PTPRD: variants seen among roughly 807,000 people sequenced by gnomAD.
The protein encoded by PTPRD is protein tyrosine phosphatase receptor type D.
Under a neutral mutation model 214.5 loss-of-function variants are expected in PTPRD, and 34 were observed. The observed-to-expected ratio is 0.16, with a 90% CI of 0.12 to 0.21. The LOEUF (loss-of-function observed/expected upper bound fraction) is 0.21. Ranked by LOEUF, PTPRD falls within the 10% of genes least tolerant of loss-of-function variation. The probability of loss-of-function intolerance (pLI) is 1.00; values close to 1 mark genes in which losing one functional copy is unlikely to be tolerated. For synonymous variants in PTPRD, 1,128 were observed against 845.7 expected (o/e 1.33, Z -5.79); for missense variants, 2,545 against 2,398.7 (o/e 1.06, Z -1.27).
chr9:10,599,638 T>G (rs2077479017), intron 2 of PTPRD, among the ~76,000 whole-genome samples: 1 of 151,794 alleles, frequency 6.6e-6, no homozygotes, highest in Admixed American at 6.6e-5. Context: ...TCTTCAAAGT[T>G]TGGTCATGAA....
At chr9:9,876,899 C>T (rs867941653) in intron 5 of PTPRD, among the ~76,000 whole-genome samples, 2 of 152,052 alleles carry the variant, frequency 1.3e-5, no homozygotes, top group African/African-American at 2.4e-5. Context: ...TTTACTCATT[C>T]GTGTCACATC....
intron 3 of PTPRD, among the ~76,000 whole-genome samples, chr9:10,065,208 G>C (rs76586507): frequency 0.051 from 3,277 of 64,842 alleles, 115 homozygotes; most frequent in African/African-American, 0.15. Flanking sequence ...ATGCTTTGCA[G>C]AGGTCCAGAA....
At chr9:10,294,174 AC>A (rs1364284416) in intron 3 of PTPRD, among the ~76,000 whole-genome samples, 1 of 152,044 alleles carries the variant, frequency 6.6e-6, no homozygotes, top group African/African-American at 2.4e-5. Context: ...CTGCCCAAAA[AC>A]CTTTTTCCCC....
intron 5 of PTPRD, among the ~76,000 whole-genome samples, chr9:9,892,670 G>T (rs184829445): frequency 9.5e-4 from 144 of 151,876 alleles, no homozygotes; most frequent in African/African-American, 3.5e-3. Flanking sequence ...GCTGGTCAAA[G>T]ACAGACTTTG....
At chr9:9,956,682 C>T (rs2093956533) in intron 4 of PTPRD, among the ~76,000 whole-genome samples, 2 of 151,792 alleles carry the variant, frequency 1.3e-5, no homozygotes, top group African/African-American at 2.4e-5. Context: ...GGGAATGGCC[C>T]ATACATGAAT....
At chr9:9,948,773 T>C (rs2093107680) in intron 4 of PTPRD, among the ~76,000 whole-genome samples, 1 of 151,930 alleles carries the variant, frequency 6.6e-6, no homozygotes, top group South Asian at 2.1e-4. Flanking sequence ...ACCCAATAAA[T>C]AGGTAGTATT....
At chr9:9,179,674 C>T (rs2099927005) in intron 10 of PTPRD, among the ~76,000 whole-genome samples, 1 of 152,030 alleles carries the variant, frequency 6.6e-6, no homozygotes, top group South Asian at 2.1e-4. Context: ...GTCATAGACA[C>T]TTAAGGAGGA....
intron 2 of PTPRD, among the ~76,000 whole-genome samples, chr9:10,393,323 G>A (rs2098107788): frequency 6.6e-6 from 1 of 151,294 alleles, no homozygotes; most frequent in Non-Finnish European, 1.5e-5. Flanking sequence ...GTGTGTATGT[G>A]GTCAGAACCA....
chr9:9,026,934 C>A (rs1296979651), intron 10 of PTPRD, among the ~76,000 whole-genome samples: 1 of 151,588 alleles, frequency 6.6e-6, no homozygotes, highest in Admixed American at 6.6e-5. Flanking sequence ...AGGAATCTCC[C>A]CAGCCAGAGC....
At chr9:9,261,763 T>A (rs2099980220) in intron 9 of PTPRD, among the ~76,000 whole-genome samples, 1 of 151,728 alleles carries the variant, frequency 6.6e-6, no homozygotes. Context: ...ATTGGAAAAG[T>A]CTAGCTATAT....
intron 37 of PTPRD, among the ~76,000 whole-genome samples, chr9:8,384,644 C>T (rs143556418): frequency 1.3e-5 from 2 of 151,994 alleles, no homozygotes; most frequent in East Asian, 1.9e-4. Context: ...CTCCTGCCTC[C>T]GCCTCCTGAG....
At chr9:10,560,428 G>C (rs1256829535) in intron 2 of PTPRD, among the ~76,000 whole-genome samples, 3 of 152,014 alleles carry the variant, frequency 2.0e-5, no homozygotes, top group African/African-American at 7.2e-5. Context: ...GGAGTGGGGA[G>C]GGATAGCACT....
chr9:9,174,403 T>C (rs1413511778), intron 10 of PTPRD, among the ~76,000 whole-genome samples: 1 of 152,232 alleles, frequency 6.6e-6, no homozygotes, highest in Non-Finnish European at 1.5e-5. Context: ...TATGCTTACA[T>C]ACTTTTATTT....
chr9:9,525,498 C>A (rs1590732239), intron 8 of PTPRD, among the ~76,000 whole-genome samples: 1 of 151,946 alleles, frequency 6.6e-6, no homozygotes, highest in Non-Finnish European at 1.5e-5. Flanking sequence ...AATGGAATGC[C>A]CCATAAAGAA....
Position 8,316,665 on chromosome 9 carries a change from T to C in PTPRD, c.*1209A>G, listed in dbSNP as rs187583325. 4.3e-4 allele frequency: 100 copies of C among 230,934 alleles called. 1 individual carries two copies. The East Asian group carries it at 5.9e-3, about 14-fold the overall frequency. 14.3% of individuals were successfully genotyped at this position (230,934 alleles called of 1,614,324 possible). A position where few individuals can be genotyped will look rare whatever the true frequency, so the allele number is the denominator to read the frequency against. ...AGAGTGTTAGAAATATTGAACTTTGTTGGAAGCCTGACTAACAAACAAACA... is the reference window on the plus strand; with the variant it reads ...AGAGTGTTAGAAATATTGAACTTTGCTGGAAGCCTGACTAACAAACAAACA... On this transcript the variant is annotated 3_prime_UTR_variant, in exon 46 of 46. Transcript: ENST00000381196.
chr9:9,804,841 C>T (rs142230358), intron 5 of PTPRD, among the ~76,000 whole-genome samples: 2 of 151,036 alleles, frequency 1.3e-5, no homozygotes, highest in African/African-American at 2.4e-5. Flanking sequence ...AAATTTCATC[C>T]ACATTTTACA....
intron 8 of PTPRD, among the ~76,000 whole-genome samples, chr9:9,420,363 A>C (rs141875637): frequency 2.0e-5 from 3 of 151,968 alleles, no homozygotes; most frequent in African/African-American, 7.2e-5. Context: ...AATAGGTAGT[A>C]AAGGATTTCT....
At chr9:10,340,808 G>A (rs192003205) in intron 3 of PTPRD, among the ~76,000 whole-genome samples, 155 bp downstream of exon 3, 32 of 151,978 alleles carry the variant, frequency 2.1e-4, no homozygotes, top group African/African-American at 7.2e-4. Context: ...AATCCAGGTG[G>A]CACACCATTA....
chr9:8,576,979 T>A (rs1194435975), intron 14 of PTPRD, among the ~76,000 whole-genome samples: 2 of 152,190 alleles, frequency 1.3e-5, no homozygotes, highest in Non-Finnish European at 2.9e-5. Flanking sequence ...ACTTCAGTAC[T>A]AAAACCCTCC....
Sources: allele counts gnomAD v4.1 joint callset (sites outside exome capture counted in the v4.1 genomes callset), GRCh38; gene constraint gnomAD v4.1.1; transcripts MANE v1.5; gene names NCBI Gene and HGNC (gene_info 2026-07-23, HGNC 2026-07-21).